Variants in TRDMT1 observed in about 807,000 individuals in gnomAD.
TRDMT1 encodes the protein tRNA aspartic acid methyltransferase 1.
TRDMT1 carries 49 observed loss-of-function variants against 51.2 expected under a neutral mutation model. The observed-to-expected ratio is 0.96, with a 90% CI of 0.76 to 1.21. TRDMT1 has a LOEUF of 1.21. Ranked by LOEUF, TRDMT1 falls within the 50% of genes most tolerant of loss-of-function variation. TRDMT1 has a pLI of 0.00. For missense variants in TRDMT1, 534 were observed against 462.3 expected, an observed-to-expected ratio of 1.16 and a Z score of -1.42; for synonymous variants, 187 against 164.6, an observed-to-expected ratio of 1.14 and a Z score of -1.04.
At chr10:17,171,566 C>T (rs1470021388) in intron 2 of TRDMT1, 1 of 152,226 alleles carries the variant, frequency 6.6e-6, no homozygotes, top group African/African-American at 2.4e-5. Context: ...TACTTTAACG[C>T]TCTTGACAGC....
At chr10:17,171,072 C>T (rs1308634652) in intron 2 of TRDMT1, among the ~76,000 whole-genome samples, 2 of 150,716 alleles carry the variant, frequency 1.3e-5, no homozygotes, top group Non-Finnish European at 2.9e-5. Context: ...AATGAGAATA[C>T]TTTTAAAGTT....
chr10:17,188,672 T>A (rs1310525532), intron 1 of TRDMT1, among the ~76,000 whole-genome samples: 1 of 152,216 alleles, frequency 6.6e-6, no homozygotes, highest in Non-Finnish European at 1.5e-5. Context: ...GTCACTATCA[T>A]CAACAGAGCC....
At chr10:17,179,267 A>G (rs1000368770) in intron 1 of TRDMT1, among the ~76,000 whole-genome samples, 2 of 152,158 alleles carry the variant, frequency 1.3e-5, no homozygotes, top group African/African-American at 4.8e-5. Flanking sequence ...ACCTCGCACC[A>G]GCCCTGAAGC....
chr10:17,163,286 G>A (rs929785334), intron 3 of TRDMT1, among the ~76,000 whole-genome samples: 2 of 151,992 alleles, frequency 1.3e-5, no homozygotes, highest in Non-Finnish European at 2.9e-5. Context: ...AATTGAGCCC[G>A]AGCAGCAGGA....
chr10:17,155,664 C>A (rs958399967), intron 8 of TRDMT1, among the ~76,000 whole-genome samples: 1 of 152,132 alleles, frequency 6.6e-6, no homozygotes, highest in African/African-American at 2.4e-5. Flanking sequence ...ATTTCTCTCT[C>A]TAAGATTATT....
At chr10:17,186,945 C>T (rs1030926872) in intron 1 of TRDMT1, among the ~76,000 whole-genome samples, 1 of 152,164 alleles carries the variant, frequency 6.6e-6, no homozygotes, top group Non-Finnish European at 1.5e-5. Flanking sequence ...TGTTCATGGT[C>T]ACATTAGAAT....
chr10:17,149,087 G>A lies in TRDMT1; in HGVS notation c.1129C>T (p.Leu377Phe). The A allele has an allele frequency of 1.9e-6, 3 of 1,611,696 alleles. No homozygotes were observed. The highest frequency in any genetic ancestry group is 2.5e-6 in the Non-Finnish European group (3 of 1,179,204). The change falls in exon 11 of 11, where the codon CTC becomes TTC. Residue 377 changes from leucine to phenylalanine, a missense_variant. Transcript: ENST00000377799. ...KQRYRLLGNS[L>F]NVHVVAKLIK... The stretch of plus-strand genomic sequence containing the variant: ...AGTTTAGCTACTACATGCACGTTGA[G>A]ACTATTTCCAAGTAGGCGATAACGC...
At chr10:17,149,483 C>T (rs1420419959) in intron 10 of TRDMT1, among the ~76,000 whole-genome samples, 1 of 151,998 alleles carries the variant, frequency 6.6e-6, no homozygotes. Flanking sequence ...TTTAATAATC[C>T]TTTTATGGAT....
chr10:17,154,601 T>G, intron 9 of TRDMT1, 76 bp downstream of exon 9: 3 of 1,144,058 alleles, frequency 2.6e-6, no homozygotes, highest in Non-Finnish European at 3.6e-6. Context: ...CATAAAATTA[T>G]TCTAATGTTC....
intron 1 of TRDMT1, among the ~76,000 whole-genome samples, chr10:17,177,727 C>CACACACACAG: frequency 6.8e-6 from 1 of 147,314 alleles, no homozygotes; most frequent in Middle Eastern, 3.4e-3. Flanking sequence ...CACACACACA[C>CACACACACAG]ACACACACAC....
chr10:17,147,095 C>A lies in TRDMT1; in HGVS notation c.*1945G>T. 1.0e-6 allele frequency: 1 copy of A among 985,744 alleles called. No individual in the cohort carries two copies. The highest frequency in any genetic ancestry group is 1.7e-5 in the African/African-American group (1 of 57,332). 61.1% of individuals were successfully genotyped at this position (985,744 alleles called of 1,614,324 possible). On this transcript the variant is annotated 3_prime_UTR_variant, in exon 11 of 11. Coordinates refer to ENST00000377799, the MANE Select transcript of TRDMT1 (RefSeq NM_004412.7). ...TCGACACTTATTTTGTATAATGTTG[C>A]TCAACCGAATGTGGGATACTATAAT...
At position 17,141,171 on chromosome 10, in the gene TRDMT1, TTTA is replaced by T; in HGVS notation, c.*7866_*7868del. Reference sequence around the variant, plus strand: ...TTCTCCAGCTGCTTTTATTTATTTATTTATTTTTTTGAGACGGAGTCTCACTCT... The same window carrying T: ...TTCTCCAGCTGCTTTTATTTATTTATTTTTTTTGAGACGGAGTCTCACTCT... On this transcript the variant is annotated 3_prime_UTR_variant, in exon 11 of 11. Transcript: ENST00000377799. Among the ~76,000 whole-genome samples the T allele has an allele frequency of 6.6e-6, 1 of 152,098 alleles. No individual in the cohort carries two copies. The highest frequency in any genetic ancestry group is 2.4e-5 in the African/African-American group (1 of 41,366).
intron 1 of TRDMT1, among the ~76,000 whole-genome samples, chr10:17,188,539 A>T (rs1844249052): frequency 6.6e-6 from 1 of 152,232 alleles, no homozygotes; most frequent in Non-Finnish European, 1.5e-5. Flanking sequence ...CACAAGGAGA[A>T]GCCTCCAACA....
intron 3 of TRDMT1, among the ~76,000 whole-genome samples, chr10:17,167,590 C>T (rs1009449134): frequency 6.6e-6 from 1 of 151,966 alleles, no homozygotes; most frequent in East Asian, 1.9e-4. Flanking sequence ...AAGATTTGGT[C>T]GAAGATATAA....
At chr10:17,158,271 C>A (rs1325163982) in intron 7 of TRDMT1, among the ~76,000 whole-genome samples, 1 of 151,978 alleles carries the variant, frequency 6.6e-6, no homozygotes, top group Non-Finnish European at 1.5e-5. Context: ...ACTCATGAGT[C>A]CTATGGGAAA....
chr10:17,197,965 C>T lies in TRDMT1; in HGVS notation c.64+3606G>A, dbSNP rs143145477. On this transcript the variant is annotated intron_variant, in intron 1 of 10. Coordinates refer to ENST00000377799, the MANE Select transcript of TRDMT1 (RefSeq NM_004412.7). ...AGGAAGATCGCTTGAACCCGGGAGA[C>T]GGAGGTTGCAGTGAACTGAGATCGC... 8.1e-3 allele frequency among the ~76,000 whole-genome samples: 1,230 copies of T among 151,596 alleles called. 24 individuals carry two copies. The highest frequency in any genetic ancestry group is 0.028 in the African/African-American group (1,162 of 41,320).
intron 1 of TRDMT1, among the ~76,000 whole-genome samples, chr10:17,177,711 G>C (rs367980286): frequency 1.6e-5 from 1 of 62,362 alleles, no homozygotes; most frequent in African/African-American, 6.4e-5. Flanking sequence ...AAATAGACAA[G>C]AAACACACAC....
At chr10:17,160,511 GC>G in intron 5 of TRDMT1, 137 bp from the exon 6 acceptor site, 2 of 464,692 alleles carry the variant, frequency 4.3e-6, no homozygotes, top group Non-Finnish European at 7.3e-6. Context: ...TCACTCTGTT[GC>G]CCAGGCTGGA....
rs989454022 is a variant in TRDMT1 at position 17,159,066 on chromosome 10, C to T, written c.543+80G>A. ...ACAGAGACAGCTACACAAAGTAGTT[C>T]TTGAAAATAAATTAGCAGACTAATA... On this transcript the variant is annotated intron_variant, in intron 7 of 10. Transcript: ENST00000377799. 3 of 975,870 alleles carry T rather than the reference C, an allele frequency of 3.1e-6. No individual in the cohort carries two copies. In the African/African-American group the frequency reaches 5.1e-5, roughly 16 times the overall value. The allele number at this position is 975,870 out of a possible 1,614,324, so 60.5% of individuals were successfully genotyped here.
Sources: gnomAD v4.1 joint callset for allele counts (sites outside exome capture counted in the v4.1 genomes callset) on GRCh38, gnomAD v4.1.1 for gene constraint, MANE v1.5 for transcripts, NCBI Gene and HGNC (gene_info 2026-07-23, HGNC 2026-07-21) for gene names.